Variants in ZNF500 observed in about 807,000 individuals in gnomAD.
ZNF500 encodes zinc finger protein 500.
In ZNF500, 31 loss-of-function variants were observed where a neutral mutation model predicts 30.1. The observed-to-expected ratio is 1.03, with a 90% CI of 0.77 to 1.39. The LOEUF (loss-of-function observed/expected upper bound fraction) is 1.39, where lower values mean the gene tolerates loss of function less well. Ranked by LOEUF, ZNF500 falls within the 40% of genes most tolerant of loss-of-function variation. ZNF500 has a pLI of 0.00. For missense variants in ZNF500, 817 were observed against 657.8 expected (o/e 1.24, Z -2.65); for synonymous variants, 392 against 282.0 (o/e 1.39, Z -3.91).
chr16:4,760,595 G>T lies in ZNF500; in HGVS notation c.664-7C>A. ...CCTCCAAGTTCACGGGCACCTGCCA[G>T]AACGCACCCCACTCAGTCCTGGCCC... On this transcript the variant is annotated splice_polypyrimidine_tract_variant and splice_region_variant and intron_variant, in intron 4 of 5. Coordinates refer to ENST00000219478, the MANE Select transcript of ZNF500 (RefSeq NM_021646.4). 6.2e-7 allele frequency: 1 copy of T among 1,612,968 alleles called. No homozygotes were observed. The highest frequency in any genetic ancestry group is 8.5e-7 in the Non-Finnish European group (1 of 1,179,404).
At chr16:4,762,925 C>G (rs2082223154) in intron 2 of ZNF500, 169 bp from the exon 3 acceptor site, 8 of 985,288 alleles carry the variant, frequency 8.1e-6, no homozygotes, top group Non-Finnish European at 8.4e-6. Context: ...CTGCAGCCAG[C>G]TCCCAGCCTG....
chr16:4,762,825 A>G lies in ZNF500; in HGVS notation c.415-69T>C. The G allele has an allele frequency of 2.7e-6, 4 of 1,501,020 alleles. No individual in the cohort carries two copies. In the South Asian group the frequency reaches 3.9e-5, roughly 15 times the overall value. The allele number at this position is 1,501,020 out of a possible 1,614,324, so 93.0% of individuals were successfully genotyped here. On this transcript the variant is annotated intron_variant, in intron 2 of 5. Transcript: ENST00000219478. ...GAAGGAAAAATCCCCGCAGGGCCCC[A>G]CACCCCTCATCTCAGGCACCCCAGC...
At chr16:4,753,991 G>C (rs922146052) in intron 5 of ZNF500, among the ~76,000 whole-genome samples, 25 of 152,236 alleles carry the variant, frequency 1.6e-4, no homozygotes, top group African/African-American at 4.6e-4. Flanking sequence ...AGGGAGAGGG[G>C]CCTGGAATGA....
intron 5 of ZNF500, chr16:4,753,280 G>GT: frequency 1.0e-5 from 8 of 796,104 alleles, no homozygotes; most frequent in Non-Finnish European, 1.3e-5. Flanking sequence ...GGGCAACGCA[G>GT]TGAGATCTCG....
At position 4,765,886 on chromosome 16, in the gene ZNF500, G is replaced by C. The variant is rs140167481; in HGVS notation, c.93C>G (p.Phe31Leu). The C allele has an allele frequency of 1.2e-6, 2 of 1,613,598 alleles. No homozygotes were observed. Among genetic ancestry groups the C allele is most frequent in the Non-Finnish European group, 1.7e-6 (2 of 1,179,970 alleles). Residue 31 changes from phenylalanine to leucine, a missense_variant, in exon 2 of 6, where the codon TTC becomes TTG. By Grantham distance (22) the Phe-to-Leu change is conservative. Coordinates refer to ENST00000219478, the MANE Select transcript of ZNF500 (RefSeq NM_021646.4). Reference protein sequence around the residue: ...EILIVKVEEDFCLEEEPSVET... With the variant: ...EILIVKVEEDLCLEEEPSVET... ...CCACGGAGGGCTCCTCTTCCAAGCA[G>C]AAGTCCTCCTCCACCTTCACAATCA...
chr16:4,751,129 C>A lies in ZNF500; in HGVS notation c.*1247G>T, dbSNP rs978849441. On this transcript the variant is annotated 3_prime_UTR_variant, in exon 6 of 6. Transcript: ENST00000219478. ...ACAACCACTGCCTGGCTGGAACGTT[C>A]CAGAACCCAGTGGTTTCCATAGCTG... 3.1e-5 allele frequency: 5 copies of A among 161,360 alleles called. No individual in the cohort carries two copies. In the South Asian group the frequency reaches 5.4e-4, roughly 17 times the overall value. 10.0% of individuals were successfully genotyped at this position (161,360 alleles called of 1,614,324 possible).
In ZNF500 at chr16:4,760,338, C is replaced by T. The variant is rs577854417; in HGVS notation, c.760+154G>A. ...AGTCACGGCCGAGTGGCTGTGCAGG[C>T]CCTGCAGGTGGGACTCTGCAGGGAT... On this transcript the variant is annotated intron_variant, in intron 5 of 5. Transcript: ENST00000219478. Among the ~76,000 whole-genome samples, 3 of 152,242 alleles carry T rather than the reference C, an allele frequency of 2.0e-5. No homozygotes were observed. In the South Asian group the frequency reaches 6.2e-4, roughly 32 times the overall value.
intron 5 of ZNF500, 140 bp from the exon 6 acceptor site, chr16:4,753,198 C>G: frequency 1.4e-6 from 2 of 1,396,142 alleles, no homozygotes; most frequent in African/African-American, 2.9e-5. Context: ...CTGTGGCTCA[C>G]GCCTATAATC....
intron 5 of ZNF500, among the ~76,000 whole-genome samples, chr16:4,757,855 G>C (rs948964329): frequency 2.0e-5 from 3 of 148,966 alleles, no homozygotes; most frequent in Admixed American, 6.7e-5. Context: ...ACCCGCCTCA[G>C]CCTCTGGAAG....
chr16:4,765,403 C>G (rs534836140), intron 2 of ZNF500, among the ~76,000 whole-genome samples, 162 bp downstream of exon 2: 1 of 152,252 alleles, frequency 6.6e-6, no homozygotes, highest in South Asian at 2.1e-4. Flanking sequence ...GGGTGGACAC[C>G]CATTAGCCAA....
At chr16:4,756,892 G>C (rs1410118678) in intron 5 of ZNF500, among the ~76,000 whole-genome samples, 1 of 151,984 alleles carries the variant, frequency 6.6e-6, no homozygotes, top group African/African-American at 2.4e-5. Flanking sequence ...TGAGGTGGTA[G>C]AATCACCTGA....
rs146372721 is a variant in ZNF500, at chr16:4,764,521, C to G, written c.414+1044G>C. Among the ~76,000 whole-genome samples, 467 of 151,776 alleles carry G rather than the reference C, an allele frequency of 3.1e-3. 13 individuals are homozygous for G. The East Asian group carries it at 0.063, about 21-fold the overall frequency. ...AATGGGCTAGGTGCGGTGGCTCACG[C>G]CTGTAATCCCAGCACTTTGGGAGGC... On this transcript the variant is annotated intron_variant, in intron 2 of 5. Transcript: ENST00000219478.
At chr16:4,753,594 C>T (rs1412149945) in intron 5 of ZNF500, among the ~76,000 whole-genome samples, 1 of 152,204 alleles carries the variant, frequency 6.6e-6, no homozygotes, top group Non-Finnish European at 1.5e-5. Flanking sequence ...AAGAAACTTA[C>T]CCAGAATCAC....
downstream of ZNF500, chr16:4,746,501 G>C: frequency 6.2e-7 from 1 of 1,613,616 alleles, no homozygotes. Flanking sequence ...CAGACCACCT[G>C]TCCCCAGAAA....
intron 2 of ZNF500, 30 bp from the exon 3 acceptor site, chr16:4,762,786 C>G (rs376692087): frequency 4.5e-6 from 7 of 1,552,286 alleles, no homozygotes; most frequent in Non-Finnish European, 6.1e-6. Flanking sequence ...TCCCCACCAG[C>G]TCCCAGAAGG....
intron 5 of ZNF500, among the ~76,000 whole-genome samples, chr16:4,759,779 G>A (rs2082176975): frequency 6.6e-6 from 1 of 152,236 alleles, no homozygotes; most frequent in Admixed American, 6.5e-5. Flanking sequence ...GCTCACACCT[G>A]TCATCCCAGC....
In ZNF500 at chr16:4,766,623, A is replaced by G. The variant is rs557556597; in HGVS notation, c.-99+394T>C. ...GCGACAGAGAGAGACTCAAACAAAAACAATCTAAAAGGGATGTTTGCGGTC... is the reference window on the plus strand; with the variant it reads ...GCGACAGAGAGAGACTCAAACAAAAGCAATCTAAAAGGGATGTTTGCGGTC... On this transcript the variant is annotated intron_variant, in intron 1 of 5. Transcript: ENST00000219478. Among the ~76,000 whole-genome samples the G allele has an allele frequency of 4.3e-4, 65 of 152,290 alleles. 1 individual carries two copies. Among genetic ancestry groups the G allele is most frequent in the African/African-American group, 1.5e-3 (64 of 41,570 alleles).
downstream of ZNF500, chr16:4,744,804 C>T: frequency 6.5e-7 from 1 of 1,541,298 alleles, no homozygotes. Context: ...TCCTGAGGCT[C>T]CAGCTGCTGT....
intron 5 of ZNF500, among the ~76,000 whole-genome samples, chr16:4,754,221 C>T (rs1194826223): frequency 6.6e-6 from 1 of 152,152 alleles, no homozygotes; most frequent in Non-Finnish European, 1.5e-5. Context: ...CACCCACTGC[C>T]CTTGGAAATG....
Sources: allele counts gnomAD v4.1 joint callset (sites outside exome capture counted in the v4.1 genomes callset), GRCh38; gene constraint gnomAD v4.1.1; transcripts MANE v1.5; gene names NCBI Gene and HGNC (gene_info 2026-07-23, HGNC 2026-07-21).